The following CACNB2 variants were observed in gnomAD, a reference collection of about 807,000 sequenced individuals.
CACNB2 encodes calcium voltage-gated channel auxiliary subunit beta 2, also known as voltage-dependent L-type calcium channel subunit beta-2.
Under a neutral mutation model 73.3 loss-of-function variants are expected in CACNB2, and 42 were observed. That is an observed-to-expected ratio of 0.57 (90% CI 0.45 to 0.74). The LOEUF is 0.74. Ranked by LOEUF, CACNB2 falls within the 30% of genes least tolerant of loss-of-function variation. The probability of loss-of-function intolerance (pLI) is 0.00; values close to 1 mark genes in which losing one functional copy is unlikely to be tolerated. For synonymous variants in CACNB2, 348 were observed against 310.3 expected (o/e 1.12, Z -1.28); for missense variants, 940 against 853.0 (o/e 1.10, Z -1.27).
rs1277015248 is a variant in CACNB2 at position 18,232,465 on chromosome 10, G to C, written c.213+81490G>C. ...CTTCTTGACAGGTAAGAAAGGTATAGGAAAGGAATAATTGAAATCTCAAAT... is the reference window on the plus strand; with the variant it reads ...CTTCTTGACAGGTAAGAAAGGTATACGAAAGGAATAATTGAAATCTCAAAT... On this transcript the variant is annotated intron_variant, in intron 2 of 13. Coordinates refer to ENST00000324631, the MANE Select transcript of CACNB2 (RefSeq NM_201596.3). Among the ~76,000 whole-genome samples, 4 of 152,138 alleles carry C rather than the reference G, an allele frequency of 2.6e-5. No individual in the cohort carries two copies. In the East Asian group the frequency reaches 7.7e-4, roughly 29 times the overall value.
intron 2 of CACNB2, among the ~76,000 whole-genome samples, chr10:18,254,875 G>A (rs906088234): frequency 7.9e-5 from 12 of 152,216 alleles, no homozygotes; most frequent in South Asian, 4.1e-4. Flanking sequence ...GAGAGAACAC[G>A]GGAACGTGTA....
At chr10:18,458,858 C>T (rs374431408) in intron 3 of CACNB2, among the ~76,000 whole-genome samples, 1 of 151,488 alleles carries the variant, frequency 6.6e-6, no homozygotes, top group Non-Finnish European at 1.5e-5. Context: ...CTCCGCCTCC[C>T]AGGTTCAAGC....
chr10:18,255,521 T>C (rs906786349), intron 2 of CACNB2, among the ~76,000 whole-genome samples: 3 of 152,236 alleles, frequency 2.0e-5, no homozygotes, highest in Non-Finnish European at 4.4e-5. Flanking sequence ...CCCTGGACTT[T>C]AAGCTCCTTG....
intron 2 of CACNB2, among the ~76,000 whole-genome samples, chr10:18,189,944 G>A (rs2034321368): frequency 6.6e-6 from 1 of 152,184 alleles, no homozygotes; most frequent in Admixed American, 6.5e-5. Context: ...TGAAGATACT[G>A]TGTTTTTAGA....
chr10:18,145,540 CATTTT>C (rs1272088701), intron 1 of CACNB2, among the ~76,000 whole-genome samples: 1 of 152,028 alleles, frequency 6.6e-6, no homozygotes, highest in Non-Finnish European at 1.5e-5. Flanking sequence ...ATATCATGCT[CATTTT>C]ATTTTTCTCT....
rs1414258101 is a variant in CACNB2, at chr10:18,377,725, C to T, written c.214-24199C>T. ...TCTGATATAGTCTGTGTGGTTAGAG[C>T]GGGGAAGGTATTTTTATACCAGCAA... On this transcript the variant is annotated intron_variant, in intron 2 of 13. Coordinates refer to ENST00000324631, the MANE Select transcript of CACNB2 (RefSeq NM_201596.3). Among the ~76,000 whole-genome samples the T allele has an allele frequency of 2.0e-5, 3 of 152,068 alleles. No homozygotes were observed. The East Asian group carries it at 5.8e-4, about 29-fold the overall frequency.
chr10:18,287,605 C>G (rs1331988335), intron 2 of CACNB2, among the ~76,000 whole-genome samples: 1 of 152,186 alleles, frequency 6.6e-6, no homozygotes, highest in African/African-American at 2.4e-5. Context: ...AATCCCAGCA[C>G]TTTGGGAGGC....
rs1462512968 is a variant in CACNB2, at chr10:18,471,607, T to C, written c.334-26748T>C. 2.0e-5 allele frequency among the ~76,000 whole-genome samples: 3 copies of C among 152,174 alleles called. No individual in the cohort carries two copies. The South Asian group carries it at 6.2e-4, about 31-fold the overall frequency. On this transcript the variant is annotated intron_variant, in intron 3 of 13. Transcript: ENST00000324631. Reference sequence around the variant, plus strand: ...AGCACTAGTTAGCCAAAGTCTAAAATTGGAGCAGAAATTATGGGGCAGTGG... The same window carrying C: ...AGCACTAGTTAGCCAAAGTCTAAAACTGGAGCAGAAATTATGGGGCAGTGG...
At chr10:18,273,787 G>T (rs1564395323) in intron 2 of CACNB2, among the ~76,000 whole-genome samples, 1 of 152,178 alleles carries the variant, frequency 6.6e-6, no homozygotes, top group Non-Finnish European at 1.5e-5. Flanking sequence ...CTGAATTATA[G>T]TAGGAGCTTG....
intron 3 of CACNB2, among the ~76,000 whole-genome samples, chr10:18,471,517 A>T (rs575651525): frequency 3.3e-5 from 5 of 152,226 alleles, no homozygotes; most frequent in African/African-American, 9.6e-5. Flanking sequence ...ATTATCCTGC[A>T]GCCACTGGTT....
chr10:18,174,345 T>A (rs2033448808), intron 2 of CACNB2, among the ~76,000 whole-genome samples: 1 of 140,954 alleles, frequency 7.1e-6, no homozygotes. Context: ...TCTTTCTTTC[T>A]TTTTTTCCTT....
intron 2 of CACNB2, among the ~76,000 whole-genome samples, chr10:18,253,801 C>T (rs895854662): frequency 2.0e-5 from 3 of 152,138 alleles, no homozygotes; most frequent in African/African-American, 7.2e-5. Context: ...TATCATTGCC[C>T]CCGACTCTGG....
intron 13 of CACNB2, 119 bp downstream of exon 13, chr10:18,538,484 A>C (rs2053827848): frequency 1.2e-6 from 1 of 817,420 alleles, no homozygotes; most frequent in African/African-American, 1.7e-5. Flanking sequence ...TAGTATATTA[A>C]CTCAAAGCAA....
intron 3 of CACNB2, among the ~76,000 whole-genome samples, chr10:18,426,955 A>ATTTTTATTT (rs2045630755): frequency 1.2e-5 from 1 of 81,656 alleles, no homozygotes; most frequent in Admixed American, 1.4e-4. Context: ...CCTTTTCTAC[A>ATTTTTATTT]TTTTTTTTTT....
intron 2 of CACNB2, among the ~76,000 whole-genome samples, chr10:18,367,496 T>C (rs887437961): frequency 6.6e-6 from 1 of 152,180 alleles, no homozygotes; most frequent in East Asian, 1.9e-4. Context: ...GAATTGAGAA[T>C]TGTATATGTT....
At chr10:18,442,230 A>G (rs1020258155) in intron 3 of CACNB2, among the ~76,000 whole-genome samples, 8 of 151,594 alleles carry the variant, frequency 5.3e-5, no homozygotes, top group Non-Finnish European at 1.2e-4. Flanking sequence ...ACTCACTGCA[A>G]CCTCCGCCTC....
chr10:18,445,484 G>A (rs771498333), intron 3 of CACNB2, among the ~76,000 whole-genome samples: 2 of 152,150 alleles, frequency 1.3e-5, no homozygotes, highest in African/African-American at 4.8e-5. Context: ...ACATGAGTGA[G>A]TATCCTTTCC....
intron 3 of CACNB2, among the ~76,000 whole-genome samples, chr10:18,463,978 C>CT (rs1472797138): frequency 6.6e-6 from 1 of 152,070 alleles, no homozygotes; most frequent in East Asian, 1.9e-4. Flanking sequence ...TCCCACAGCT[C>CT]TAACACATTG....
chr10:18,211,897 A>G (rs1297486039), intron 2 of CACNB2, among the ~76,000 whole-genome samples: 1 of 151,806 alleles, frequency 6.6e-6, no homozygotes, highest in Non-Finnish European at 1.5e-5. Context: ...CAACAATGAC[A>G]TTATAAATAT....
Sources: gnomAD v4.1 joint callset for allele counts (sites outside exome capture counted in the v4.1 genomes callset) on GRCh38, gnomAD v4.1.1 for gene constraint, MANE v1.5 for transcripts, NCBI Gene and HGNC (gene_info 2026-07-23, HGNC 2026-07-21) for gene names.